PILRA: variants seen among roughly 807,000 people sequenced by gnomAD.
PILRA encodes paired immunoglobulin-like type 2 receptor alpha.
PILRA carries 37 observed loss-of-function variants against 33.1 expected under a neutral mutation model. The ratio of observed to expected loss-of-function variants is 1.12; its 90% CI spans 0.86 to 1.47. The LOEUF is 1.47. PILRA is among the 40% of genes most tolerant of loss of function. PILRA has a pLI of 0.00. For synonymous variants in PILRA, 146 were observed against 149.9 expected (o/e 0.97, Z 0.19); for missense variants, 312 against 376.2 (o/e 0.83, Z 1.41).
chr7:100,372,016 C>T (rs979386302), upstream of PILRA, among the ~76,000 whole-genome samples: 1 of 152,186 alleles, frequency 6.6e-6, no homozygotes, highest in African/African-American at 2.4e-5. Context: ...ATTGGACAGC[C>T]TGGTAAGCAG....
At chr7:100,399,676 G>A in intron 6 of PILRA, 64 bp downstream of exon 6, 12 of 1,612,184 alleles carry the variant, frequency 7.4e-6, no homozygotes, top group Non-Finnish European at 1.0e-5. Context: ...GGGTGGAAGG[G>A]AGAAGGGGAG....
At chr7:100,374,013 C>T (rs1469115728) in intron 1 of PILRA, 31 bp from the exon 2 acceptor site, 1 of 1,602,788 alleles carries the variant, frequency 6.2e-7, no homozygotes, top group Non-Finnish European at 8.5e-7. Flanking sequence ...GTTTCAAGGT[C>T]TCTCCCCTAC....
Position 100,399,956 on chromosome 7 carries a change from C to T in PILRA, c.*49C>T, listed in dbSNP as rs369062970. 159 of 1,524,608 alleles carry T rather than the reference C, an allele frequency of 1.0e-4. No individual in the cohort carries two copies. The highest frequency in any genetic ancestry group is 1.1e-4 in the Non-Finnish European group (119 of 1,132,844). 94.4% of individuals were successfully genotyped at this position (1,524,608 alleles called of 1,614,324 possible). A position where few individuals can be genotyped will look rare whatever the true frequency, so the allele number is the denominator to read the frequency against. Reference sequence around the variant, plus strand: ...TGAATGGTGAGGCCAGGTACAGTGGCGCACACCTGTAATCCCAGCTACTCT... The same window carrying T: ...TGAATGGTGAGGCCAGGTACAGTGGTGCACACCTGTAATCCCAGCTACTCT... On this transcript the variant is annotated 3_prime_UTR_variant, in exon 7 of 7. Coordinates refer to ENST00000198536, the MANE Select transcript of PILRA (RefSeq NM_013439.3).
At position 100,373,502 on chromosome 7, in the gene PILRA, T is replaced by A; in HGVS notation, c.-155T>A. ...AGTGCTGGTCACCCTGGAGGTGCAC[T>A]GGTTTGGGGAAGGCTCCTGGCCCCC... On this transcript the variant is annotated 5_prime_UTR_variant, in exon 1 of 7. Transcript: ENST00000198536. 1.3e-6 allele frequency: 1 copy of A among 768,036 alleles called. No individual in the cohort carries two copies. Among genetic ancestry groups the A allele is most frequent in the South Asian group, 1.5e-5 (1 of 67,118 alleles). The allele number at this position is 768,036 out of a possible 1,614,324, so 47.6% of individuals were successfully genotyped here. A position where few individuals can be genotyped will look rare whatever the true frequency, so the allele number is the denominator to read the frequency against.
intron 2 of PILRA, among the ~76,000 whole-genome samples, chr7:100,377,675 A>G (rs1196429841): frequency 6.6e-6 from 1 of 152,168 alleles, no homozygotes; most frequent in East Asian, 1.9e-4. Flanking sequence ...CCCGGGAGTC[A>G]GAGGAGGTTT....
intron 3 of PILRA, 64 bp downstream of exon 3, chr7:100,390,170 G>C: frequency 7.1e-7 from 1 of 1,399,628 alleles, no homozygotes; most frequent in African/African-American, 1.4e-5. Flanking sequence ...AAGCCCACCT[G>C]CAGCTATGGG....
intron 2 of PILRA, among the ~76,000 whole-genome samples, chr7:100,386,185 A>G (rs1344199292): frequency 6.6e-6 from 1 of 152,218 alleles, no homozygotes; most frequent in Non-Finnish European, 1.5e-5. Flanking sequence ...TGCTGGGATT[A>G]CAGGCACAAG....
chr7:100,398,251 T>C (rs1011313286), intron 4 of PILRA, among the ~76,000 whole-genome samples: 1 of 152,164 alleles, frequency 6.6e-6, no homozygotes, highest in African/African-American at 2.4e-5. Context: ...TCAGCCTGGA[T>C]CTTCCAGCTT....
intron 3 of PILRA, among the ~76,000 whole-genome samples, chr7:100,396,772 C>T (rs547329014): frequency 2.6e-5 from 4 of 152,028 alleles, no homozygotes; most frequent in African/African-American, 7.2e-5. Flanking sequence ...TTCCACTTTT[C>T]GGTGGTGCCT....
rs1791533696 is a variant in PILRA, at chr7:100,397,932, A to G, written c.707+20A>G. 2 of 1,613,330 alleles carry G rather than the reference A, an allele frequency of 1.2e-6. No individual in the cohort carries two copies. Among genetic ancestry groups the G allele is most frequent in the Admixed American group, 3.3e-5 (2 of 59,976 alleles). On this transcript the variant is annotated intron_variant, in intron 4 of 6. Coordinates refer to ENST00000198536, the MANE Select transcript of PILRA (RefSeq NM_013439.3). ...AGCCAGGTGAGTGCTGGGCCTCCCC[A>G]GGGTGGGTTGGGGGGTGCATGTGCA... is the stretch of plus-strand genomic sequence containing the variant.
chr7:100,394,689 C>T (rs970460335), intron 3 of PILRA, among the ~76,000 whole-genome samples: 15 of 151,538 alleles, frequency 9.9e-5, no homozygotes, highest in Admixed American at 2.6e-4. Flanking sequence ...TAAACCCTTG[C>T]GCATATGGTC....
At chr7:100,387,087 C>T in intron 2 of PILRA, among the ~76,000 whole-genome samples, 1 of 152,164 alleles carries the variant, frequency 6.6e-6, no homozygotes, top group East Asian at 1.9e-4. Context: ...CTCATTTACG[C>T]CAGAGGCTGC....
At position 100,373,600 on chromosome 7, in the gene PILRA, C is replaced by T; in HGVS notation, c.-57C>T. ...CCCCAGGCGGCCCCTCCACAGGGCC[C>T]CTCTCCTGCCTGGACGGCTCTGCTG... On this transcript the variant is annotated 5_prime_UTR_variant, in exon 1 of 7. Transcript: ENST00000198536. 1 of 1,605,336 alleles carries T rather than the reference C, an allele frequency of 6.2e-7. No homozygotes were observed. Among genetic ancestry groups the T allele is most frequent in the Admixed American group, 1.7e-5 (1 of 59,996 alleles).
At chr7:100,381,201 G>A (rs1791084265) in intron 2 of PILRA, among the ~76,000 whole-genome samples, 1 of 152,120 alleles carries the variant, frequency 6.6e-6, no homozygotes, top group South Asian at 2.1e-4. Flanking sequence ...GGGAGGCAGA[G>A]CTTGCAGTGA....
chr7:100,387,112 A>G (rs1422723981), intron 2 of PILRA, among the ~76,000 whole-genome samples: 2 of 152,216 alleles, frequency 1.3e-5, no homozygotes, highest in Non-Finnish European at 1.5e-5. Flanking sequence ...TTTTTGTGTG[A>G]AAGATCAGAA....
chr7:100,395,779 G>T (rs1791481773), intron 3 of PILRA, among the ~76,000 whole-genome samples: 1 of 152,070 alleles, frequency 6.6e-6, no homozygotes, highest in African/African-American at 2.4e-5. Context: ...GTTGATGGGG[G>T]CTATAAAATA....
rs894351586 is a variant in PILRA, at chr7:100,390,236, C to T, written c.673+130C>T. On this transcript the variant is annotated intron_variant, in intron 3 of 6. Coordinates refer to ENST00000198536, the MANE Select transcript of PILRA (RefSeq NM_013439.3). Reference sequence around the variant, plus strand: ...CCCTCAAGCCCACCGAGGCCGACTTCGTGGCCTATGCTGAGGTGTCTGCAT... The same window carrying T: ...CCCTCAAGCCCACCGAGGCCGACTTTGTGGCCTATGCTGAGGTGTCTGCAT... 24 of 761,540 alleles carry T rather than the reference C, an allele frequency of 3.2e-5. No individual in the cohort carries two copies. In the East Asian group the frequency reaches 4.3e-4, roughly 14 times the overall value. 47.2% of individuals were successfully genotyped at this position (761,540 alleles called of 1,614,324 possible). A position where few individuals can be genotyped will look rare whatever the true frequency, so the allele number is the denominator to read the frequency against.
At chr7:100,391,177 T>A (rs1242050235) in intron 3 of PILRA, among the ~76,000 whole-genome samples, 1 of 142,150 alleles carries the variant, frequency 7.0e-6, no homozygotes, top group Non-Finnish European at 1.5e-5. Flanking sequence ...ATAATAATAA[T>A]AATAATAATT....
intron 2 of PILRA, among the ~76,000 whole-genome samples, chr7:100,379,668 CAAAAA>C (rs57322009): frequency 1.2e-4 from 8 of 69,050 alleles, no homozygotes; most frequent in Non-Finnish European, 2.0e-4. Flanking sequence ...ACTCTGTCTC[CAAAAA>C]AAAAAAAAAA....
Sources: allele counts gnomAD v4.1 joint callset (sites outside exome capture counted in the v4.1 genomes callset), GRCh38; gene constraint gnomAD v4.1.1; transcripts MANE v1.5; gene names NCBI Gene and HGNC (gene_info 2026-07-23, HGNC 2026-07-21).